Variants in HYDIN observed in about 807,000 individuals in gnomAD.
The protein encoded by HYDIN is HYDIN axonemal central pair apparatus protein, also known as axonemal central pair apparatus protein HYDIN.
In HYDIN, 132 loss-of-function variants were observed where a neutral mutation model predicts 403.9. That is an observed-to-expected ratio of 0.33 (90% CI 0.28 to 0.38). HYDIN has a LOEUF of 0.38. Ranked by LOEUF, HYDIN falls within the 10% of genes least tolerant of loss-of-function variation. The pLI is 1.00. For synonymous variants in HYDIN, 1,202 were observed against 1,891.7 expected (o/e 0.64, Z 9.46); for missense variants, 2,827 against 5,009.5 (o/e 0.56, Z 13.15).
At chr16:70,847,853 T>G (rs141966594) in intron 75 of HYDIN, among the ~76,000 whole-genome samples, 82 of 152,236 alleles carry the variant, frequency 5.4e-4, no homozygotes, top group African/African-American at 1.8e-3. Flanking sequence ...GGGTGTTATT[T>G]CTTGAAATAT....
At position 70,879,489 on chromosome 16, in the gene HYDIN, G is replaced by T. The variant is rs531657132; in HGVS notation, c.10368-3C>A. Reference sequence around the variant, plus strand: ...GGCCTCGGCTCTTGGCCAGGGTGCTGTAGGGGACAGGAAGATTGTAGCCTG... The same window carrying T: ...GGCCTCGGCTCTTGGCCAGGGTGCTTTAGGGGACAGGAAGATTGTAGCCTG... On this transcript the variant is annotated splice_polypyrimidine_tract_variant and splice_region_variant and intron_variant, in intron 61 of 85. Coordinates refer to ENST00000393567, the MANE Select transcript of HYDIN (RefSeq NM_001270974.2). The T allele has an allele frequency of 6.2e-7, 1 of 1,613,622 alleles. No individual in the cohort carries two copies. Among genetic ancestry groups the T allele is most frequent in the African/African-American group, 1.3e-5 (1 of 75,036 alleles).
chr16:71,115,140 C>T (rs1450674165), intron 10 of HYDIN, among the ~76,000 whole-genome samples: 6 of 150,876 alleles, frequency 4.0e-5, no homozygotes, highest in Admixed American at 1.3e-4. Flanking sequence ...ATAATTCCCA[C>T]GTGTCAAGGG....
chr16:70,803,021 C>G lies in HYDIN; in HGVS notation c.*4559G>C, dbSNP rs564535544. Reference sequence around the variant, plus strand: ...ATGGGAATGATTTGGTTCTATTTCTCCAATGTGTGTGCATTTCCACGGGAC... The same window carrying G: ...ATGGGAATGATTTGGTTCTATTTCTGCAATGTGTGTGCATTTCCACGGGAC... On this transcript the variant is annotated 3_prime_UTR_variant, in exon 86 of 86. Coordinates refer to ENST00000393567, the MANE Select transcript of HYDIN (RefSeq NM_001270974.2). 3.3e-5 allele frequency among the ~76,000 whole-genome samples: 5 copies of G among 152,146 alleles called. No homozygotes were observed. Among genetic ancestry groups the G allele is most frequent in the Non-Finnish European group, 7.3e-5 (5 of 68,030 alleles).
chr16:71,039,253 T>C (rs8046465), intron 18 of HYDIN, among the ~76,000 whole-genome samples: 4 of 152,230 alleles, frequency 2.6e-5, no homozygotes, highest in African/African-American at 9.6e-5. Context: ...GTGCTAAGCA[T>C]CTAGCACCTC....
At chr16:71,045,373 G>C (rs113374254) in intron 18 of HYDIN, among the ~76,000 whole-genome samples, 9,496 of 152,202 alleles carry the variant, frequency 0.062, 346 homozygotes, top group Middle Eastern at 0.16. Flanking sequence ...GATGTGCTAA[G>C]AGTCCCTTTT....
intron 7 of HYDIN, among the ~76,000 whole-genome samples, chr16:71,140,721 AC>A (rs1216605068): frequency 1.3e-5 from 2 of 148,618 alleles, no homozygotes; most frequent in Non-Finnish European, 3.0e-5. Context: ...CTAAAGTCAT[AC>A]CATTAGTTCT....
At chr16:71,168,232 T>C (rs374234623) in intron 5 of HYDIN, among the ~76,000 whole-genome samples, 5,629 of 143,750 alleles carry the variant, frequency 0.039, 162 homozygotes, top group Non-Finnish European at 0.059. Flanking sequence ...GACAGGAGAA[T>C]AGCTTGAACC....
intron 47 of HYDIN, among the ~76,000 whole-genome samples, chr16:70,911,371 C>A (rs2076690703): frequency 6.6e-6 from 1 of 151,312 alleles, no homozygotes; most frequent in Non-Finnish European, 1.5e-5. Flanking sequence ...AAAAGGATGT[C>A]CTTTCCCCAC....
chr16:71,209,012 T>G (rs1282582045), intron 1 of HYDIN, among the ~76,000 whole-genome samples: 1 of 151,752 alleles, frequency 6.6e-6, no homozygotes, highest in Non-Finnish European at 1.5e-5. Flanking sequence ...TCCAAACAAT[T>G]GAAGGGGAGG....
Position 71,186,742 on chromosome 16 carries a change from T to C in HYDIN, c.135+19A>G. ...AGATTGCATTAAGTATTTTACATATTAATTCCCGGATACATTACCATTCGG... is the reference window on the plus strand; with the variant it reads ...AGATTGCATTAAGTATTTTACATATCAATTCCCGGATACATTACCATTCGG... On this transcript the variant is annotated intron_variant, in intron 2 of 85. Coordinates refer to ENST00000393567, the MANE Select transcript of HYDIN (RefSeq NM_001270974.2). 6.2e-7 allele frequency: 1 copy of C among 1,601,054 alleles called. No individual in the cohort carries two copies. The highest frequency in any genetic ancestry group is 8.5e-7 in the Non-Finnish European group (1 of 1,171,560).
chr16:70,847,785 C>T (rs1592163), intron 75 of HYDIN, among the ~76,000 whole-genome samples: 2 of 151,952 alleles, frequency 1.3e-5, no homozygotes, highest in African/African-American at 4.8e-5. Context: ...GAGTTTATCC[C>T]ACTCAGAATT....
chr16:71,046,493 A>G lies in HYDIN; in HGVS notation c.2529+14011T>C, dbSNP rs554956387. 4.3e-3 allele frequency among the ~76,000 whole-genome samples: 655 copies of G among 151,782 alleles called. 6 individuals carry two copies. The highest frequency in any genetic ancestry group is 0.015 in the African/African-American group (613 of 41,394). ...TTCAATGTCCTAACACCCCAGAGGG[A>G]GATTTTTTCCTTCCAAAGCACAAAA... is the stretch of plus-strand genomic sequence containing the variant. On this transcript the variant is annotated intron_variant, in intron 18 of 85. Transcript: ENST00000393567.
chr16:70,980,267 C>T (rs2079007078), intron 29 of HYDIN, among the ~76,000 whole-genome samples: 2 of 149,682 alleles, frequency 1.3e-5, no homozygotes, highest in African/African-American at 4.9e-5. Context: ...CTTTGGCAGG[C>T]TGAGATGGGA....
At chr16:71,175,016 C>T (rs947011758) in intron 5 of HYDIN, among the ~76,000 whole-genome samples, 6 of 152,010 alleles carry the variant, frequency 3.9e-5, no homozygotes, top group South Asian at 4.1e-4. Flanking sequence ...GCATTCCTCT[C>T]GTGACTACCA....
chr16:70,961,605 C>A (rs1023492555), intron 38 of HYDIN, among the ~76,000 whole-genome samples: 3 of 152,142 alleles, frequency 2.0e-5, no homozygotes, highest in Admixed American at 6.5e-5. Context: ...TCCCTAATGG[C>A]CCAACTGGGG....
At chr16:70,981,692 A>T (rs2079050587) in intron 28 of HYDIN, 124 bp from the exon 29 acceptor site, 1 of 1,367,010 alleles carries the variant, frequency 7.3e-7, no homozygotes, top group Non-Finnish European at 9.5e-7. Flanking sequence ...GAAAGGAGTA[A>T]GAGATTTAAT....
rs371372258 is a variant in HYDIN at position 70,805,404 on chromosome 16, G to A, written c.*2176C>T. 2.8e-4 allele frequency among the ~76,000 whole-genome samples: 43 copies of A among 152,238 alleles called. No individual in the cohort carries two copies. The highest frequency in any genetic ancestry group is 7.5e-4 in the African/African-American group (31 of 41,530). On this transcript the variant is annotated 3_prime_UTR_variant, in exon 86 of 86. Coordinates refer to ENST00000393567, the MANE Select transcript of HYDIN (RefSeq NM_001270974.2). Reference sequence around the variant, plus strand: ...ATGCTGCAGGTCCATAGGCCACTCCGAATAACCAGGAGGCTCGAGGCTTTA... The same window carrying A: ...ATGCTGCAGGTCCATAGGCCACTCCAAATAACCAGGAGGCTCGAGGCTTTA...
rs751988269 is a variant in HYDIN, at chr16:70,895,968, G to C, written c.9148+13C>G. 5.0e-6 allele frequency: 8 copies of C among 1,594,282 alleles called. No homozygotes were observed. In the South Asian group the frequency reaches 6.7e-5, roughly 13 times the overall value. On this transcript the variant is annotated intron_variant, in intron 54 of 85. Transcript: ENST00000393567. ...AACTTCCAAACATCCTGTCCTTGAA[G>C]GGCCCAACAGACCTTTGGGGAAGGT... is the stretch of plus-strand genomic sequence containing the variant.
rs1337050016 is a variant in HYDIN at position 70,806,378 on chromosome 16, T to C, written c.*1202A>G. ...AAAAAGCTTTTTTGGTCCTAGAGTA[T>C]ACTGGGCTAGGGTTGTGGGGAGGTA... On this transcript the variant is annotated 3_prime_UTR_variant, in exon 86 of 86. Coordinates refer to ENST00000393567, the MANE Select transcript of HYDIN (RefSeq NM_001270974.2). 6.6e-6 allele frequency among the ~76,000 whole-genome samples: 1 copy of C among 152,102 alleles called. No individual in the cohort carries two copies. Among genetic ancestry groups the C allele is most frequent in the Non-Finnish European group, 1.5e-5 (1 of 68,014 alleles).
Sources: gnomAD v4.1 joint callset for allele counts (sites outside exome capture counted in the v4.1 genomes callset) on GRCh38, gnomAD v4.1.1 for gene constraint, MANE v1.5 for transcripts, NCBI Gene and HGNC (gene_info 2026-07-23, HGNC 2026-07-21) for gene names.